Variants in TBC1D13 observed in about 807,000 individuals in gnomAD.
TBC1D13 encodes epididymis secretory sperm binding protein.
A neutral mutation model predicts 53.6 loss-of-function variants in TBC1D13; 40 were observed. That is an observed-to-expected ratio of 0.75 (90% confidence interval 0.58 to 0.97). TBC1D13 has a LOEUF of 0.97. TBC1D13 is among the 50% of genes least tolerant of loss of function. The pLI is 0.00. For missense variants in TBC1D13, 377 were observed against 499.4 expected (o/e 0.75, Z 2.34); for synonymous variants, 182 against 197.7 (o/e 0.92, Z 0.67).
chr9:128,807,900 G>C lies in TBC1D13; in HGVS notation c.*21G>C. 6.2e-7 allele frequency: 1 copy of C among 1,613,104 alleles called. No homozygotes were observed. The highest frequency in any genetic ancestry group is 2.2e-5 in the East Asian group (1 of 44,874). The stretch of plus-strand genomic sequence containing the variant: ...AGTAGCCCGGCGGCAAGAGGCCCAT[G>C]TTCCGGAGAGAAGCCTCCCGACCCT... On this transcript the variant is annotated 3_prime_UTR_variant, in exon 12 of 12. Transcript: ENST00000372648.
At chr9:128,804,732 T>TC (rs765819199) in intron 9 of TBC1D13, among the ~76,000 whole-genome samples, 32 of 107,068 alleles carry the variant, frequency 3.0e-4, no homozygotes, top group African/African-American at 1.4e-3. Context: ...TTTTTTTTTT[T>TC]TTTTTTTTTT....
chr9:128,800,829 CT>C (rs1355366338), intron 7 of TBC1D13, among the ~76,000 whole-genome samples: 7 of 151,926 alleles, frequency 4.6e-5, no homozygotes, highest in Non-Finnish European at 7.4e-5. Context: ...GGTGTCTGAC[CT>C]TTTACCATCG....
chr9:128,807,872 C>CAAT lies in TBC1D13; in HGVS notation c.1198_1199insTAA (p.Ser399_Lys400insIle). ...CAGAAAGCCAAGGAGCTCCAAGACT[C>CAAT]AAAGTAGCCCGGCGGCAAGAGGCCC... is the stretch of plus-strand genomic sequence containing the variant. On this transcript the variant is annotated inframe_insertion, in exon 12 of 12. Transcript: ENST00000372648. 2 of 1,614,172 alleles carry CAAT rather than the reference C, an allele frequency of 1.2e-6. No homozygotes were observed. Among genetic ancestry groups the CAAT allele is most frequent in the South Asian group, 2.2e-5 (2 of 91,086 alleles).
intron 2 of TBC1D13, among the ~76,000 whole-genome samples, chr9:128,790,257 CAAAAAAA>C (rs10658153): frequency 9.3e-6 from 1 of 107,954 alleles, no homozygotes; most frequent in African/African-American, 3.6e-5. Context: ...ACTTTGTCTC[CAAAAAAA>C]AAAAAAAAAA....
chr9:128,798,079 C>T, intron 7 of TBC1D13, among the ~76,000 whole-genome samples: 1 of 151,948 alleles, frequency 6.6e-6, no homozygotes, highest in East Asian at 1.9e-4. Flanking sequence ...ATGGTGAAAC[C>T]TTGTCTCTAC....
chr9:128,788,483 G>A, intron 2 of TBC1D13, 76 bp downstream of exon 2: 1 of 1,351,084 alleles, frequency 7.4e-7, no homozygotes, highest in Middle Eastern at 2.2e-4. Context: ...GGCCACACCT[G>A]GTCAGCTCTG....
At chr9:128,788,216 T>C (rs1829464020) in intron 1 of TBC1D13, 118 bp from the exon 2 acceptor site, 4 of 805,668 alleles carry the variant, frequency 5.0e-6, no homozygotes, top group Admixed American at 4.2e-5. Context: ...GTGATTTTTA[T>C]GTCCTAAAGG....
intron 6 of TBC1D13, among the ~76,000 whole-genome samples, chr9:128,792,812 C>T (rs1829559052): frequency 6.6e-6 from 1 of 152,146 alleles, no homozygotes; most frequent in Non-Finnish European, 1.5e-5. Context: ...TTCATTTGTA[C>T]CCCAGGTGTT....
chr9:128,791,352 A>G, intron 3 of TBC1D13, 28 bp from the exon 4 acceptor site: 1 of 1,611,386 alleles, frequency 6.2e-7, no homozygotes, highest in Non-Finnish European at 8.5e-7. Context: ...GAGGGTCACC[A>G]GAGCTTTGCC....
chr9:128,795,107 G>A (rs894375106), intron 6 of TBC1D13, among the ~76,000 whole-genome samples: 1 of 150,646 alleles, frequency 6.6e-6, no homozygotes, highest in Non-Finnish European at 1.5e-5. Flanking sequence ...CTGGACTGGA[G>A]TACAGTGGCT....
chr9:128,805,715 C>T, intron 9 of TBC1D13, 144 bp from the exon 10 acceptor site: 5 of 882,114 alleles, frequency 5.7e-6, no homozygotes, highest in South Asian at 5.4e-5. Context: ...CAAGGCTGTC[C>T]GGCAGCCTGG....
In TBC1D13 at chr9:128,791,608, A is replaced by G. The variant is rs1829534252; in HGVS notation, c.215A>G (p.Gln72Arg). Residue 72 changes from glutamine to arginine, a missense_variant, in exon 5 of 12, where the codon CAG (glutamine) becomes CGG (arginine). Transcript: ENST00000372648. ...ILAKQRELYA[Q>R]FLREMIIQPG... ...GTCTCCTGCAGGGAGCTGTATGCCC[A>G]GTTCCTGAGGGAAATGATCATCCAG... 1 of 1,614,222 alleles carries G rather than the reference A, an allele frequency of 6.2e-7. No homozygotes were observed. The highest frequency in any genetic ancestry group is 8.5e-7 in the Non-Finnish European group (1 of 1,180,036).
chr9:128,789,022 T>C (rs1338948126), intron 2 of TBC1D13, among the ~76,000 whole-genome samples: 1 of 152,184 alleles, frequency 6.6e-6, no homozygotes, highest in Non-Finnish European at 1.5e-5. Flanking sequence ...CCTTGTAACT[T>C]TGCCAGCAAG....
At chr9:128,801,095 C>A (rs117535860) in intron 7 of TBC1D13, among the ~76,000 whole-genome samples, 5,323 of 152,170 alleles carry the variant, frequency 0.035, 132 homozygotes, top group Non-Finnish European at 0.055. Flanking sequence ...ATAGTTTGAA[C>A]CTAGGAGACA....
intron 1 of TBC1D13, 27 bp downstream of exon 1, chr9:128,787,403 C>CT (rs1829440577): frequency 8.0e-7 from 1 of 1,255,092 alleles, no homozygotes; most frequent in Non-Finnish European, 1.0e-6. Flanking sequence ...CCTGACCCGG[C>CT]TGGGCCACTC....
Position 128,803,976 on chromosome 9 carries a change from T to C in TBC1D13, c.775T>C (p.Phe259Leu). The change falls in exon 9 of 12, where the codon TTT becomes CTT. Residue 259 changes from phenylalanine (F) to leucine (L), a missense_variant. Transcript: ENST00000372648. ...EWKEHAEADT[F>L]FCFTNLMAEI... ...CCCAGAGCACGCCGAGGCAGACACC[T>C]TTTTCTGCTTCACCAACCTCATGGC... 1.2e-6 allele frequency: 2 copies of C among 1,613,294 alleles called. No homozygotes were observed. Among genetic ancestry groups the C allele is most frequent in the Non-Finnish European group, 1.7e-6 (2 of 1,179,926 alleles).
At chr9:128,802,443 G>GT (rs1268031063) in intron 7 of TBC1D13, among the ~76,000 whole-genome samples, 1 of 152,186 alleles carries the variant, frequency 6.6e-6, no homozygotes, top group Non-Finnish European at 1.5e-5. Context: ...GTGTACCTGT[G>GT]TAAGTGCCAG....
chr9:128,795,083 C>T (rs1829603429), intron 6 of TBC1D13, among the ~76,000 whole-genome samples: 1 of 150,992 alleles, frequency 6.6e-6, no homozygotes, highest in Non-Finnish European at 1.5e-5. Context: ...TAGGGTCTTG[C>T]TCTGTTGCCC....
intron 4 of TBC1D13, 32 bp downstream of exon 4, chr9:128,791,473 G>A (rs943151143): frequency 6.2e-7 from 1 of 1,612,588 alleles, no homozygotes; most frequent in Non-Finnish European, 8.5e-7. Context: ...GTGACAGGAG[G>A]GCCCTTGCAT....
Sources: gnomAD v4.1 joint callset for allele counts (sites outside exome capture counted in the v4.1 genomes callset) on GRCh38, gnomAD v4.1.1 for gene constraint, MANE v1.5 for transcripts, NCBI Gene and HGNC (gene_info 2026-07-23, HGNC 2026-07-21) for gene names.